The following LCP1 variants were observed in gnomAD, a reference collection of about 807,000 sequenced individuals.
The protein encoded by LCP1 is plastin-2.
A neutral mutation model predicts 72.0 loss-of-function variants in LCP1; 23 were observed. The observed-to-expected ratio is 0.32, with a 90% CI of 0.23 to 0.45. The LOEUF (loss-of-function observed/expected upper bound fraction) is 0.45. Ranked by LOEUF, LCP1 falls within the 20% of genes least tolerant of loss-of-function variation. LCP1 has a pLI of 1.00. For missense variants in LCP1, 571 were observed against 748.3 expected (o/e 0.76, Z 2.76); for synonymous variants, 245 against 275.4 (o/e 0.89, Z 1.09).
intron 14 of LCP1, among the ~76,000 whole-genome samples, chr13:46,133,335 G>A (rs1316275132): frequency 6.6e-6 from 1 of 152,192 alleles, no homozygotes; most frequent in Non-Finnish European, 1.5e-5. Flanking sequence ...ACATAAAGAT[G>A]GGAATAAGCC....
chr13:46,143,806 C>T (rs949412790), intron 11 of LCP1, among the ~76,000 whole-genome samples: 1 of 152,226 alleles, frequency 6.6e-6, no homozygotes, highest in African/African-American at 2.4e-5. Context: ...GTGGCTCACG[C>T]CTGTAATCCC....
intron 10 of LCP1, among the ~76,000 whole-genome samples, chr13:46,144,962 G>A (rs1473794707): frequency 2.0e-5 from 3 of 152,146 alleles, no homozygotes; most frequent in Non-Finnish European, 4.4e-5. Context: ...AGCAAAATCT[G>A]GATCAGAAAA....
At chr13:46,174,046 C>G (rs940505009) in intron 1 of LCP1, among the ~76,000 whole-genome samples, 1 of 152,202 alleles carries the variant, frequency 6.6e-6, no homozygotes, top group Non-Finnish European at 1.5e-5. Context: ...CTCCTCTCCA[C>G]TCTCTAATTC....
intron 8 of LCP1, among the ~76,000 whole-genome samples, chr13:46,149,147 C>T (rs1279388491): frequency 6.6e-6 from 1 of 152,144 alleles, no homozygotes; most frequent in East Asian, 1.9e-4. Flanking sequence ...TGAAAGCATA[C>T]AGATTTTCAG....
intron 14 of LCP1, among the ~76,000 whole-genome samples, chr13:46,132,266 C>T (rs1310590406): frequency 2.6e-5 from 4 of 152,168 alleles, no homozygotes; most frequent in Admixed American, 6.5e-5. Context: ...GAAGCCACAG[C>T]CTAATGTAAT....
chr13:46,153,175 A>G, intron 6 of LCP1: 1 of 376,686 alleles, frequency 2.7e-6, no homozygotes, highest in Non-Finnish European at 4.8e-6. Context: ...AACCAGCACC[A>G]TAAGTTGAAG....
chr13:46,156,874 T>G (rs9567627), intron 4 of LCP1, among the ~76,000 whole-genome samples: 23,508 of 150,424 alleles, frequency 0.16, 2,170 homozygotes, highest in East Asian at 0.29. Flanking sequence ...CAGGCTGGAG[T>G]GCAGTGGCGC....
rs911769125 is a variant in LCP1, at chr13:46,126,649, T to C, written c.*942A>G. On this transcript the variant is annotated 3_prime_UTR_variant, in exon 16 of 16. Transcript: ENST00000323076. ...GATTGCCTCCAAATGTTGACAGGTA[T>C]TAGCCATACCACAGTAACTAGATCT... 1.4e-4 allele frequency: 32 copies of C among 231,762 alleles called. No individual in the cohort carries two copies. The highest frequency in any genetic ancestry group is 6.6e-4 in the African/African-American group (30 of 45,270). 14.4% of individuals were successfully genotyped at this position (231,762 alleles called of 1,614,324 possible). A position where few individuals can be genotyped will look rare whatever the true frequency, so the allele number is the denominator to read the frequency against.
chr13:46,132,304 G>A (rs1237265035), intron 14 of LCP1, among the ~76,000 whole-genome samples: 2 of 152,136 alleles, frequency 1.3e-5, no homozygotes, highest in East Asian at 3.9e-4. Flanking sequence ...ATTTTACGGA[G>A]AGAAGCACCC....
rs543665164 is a variant in LCP1, at chr13:46,162,713, A to C, written c.-24-3027T>G. The stretch of plus-strand genomic sequence containing the variant: ...AGTGCCGAGATTGCAGCCTCTGCCC[A>C]GCCGCCACCCCTTCCGGGAAGTGAG... On this transcript the variant is annotated intron_variant, in intron 1 of 15. Transcript: ENST00000323076. 3.7e-3 allele frequency among the ~76,000 whole-genome samples: 554 copies of C among 151,486 alleles called. 1 individual carries two copies. Among genetic ancestry groups the C allele is most frequent in the African/African-American group, 0.013 (525 of 41,282 alleles).
intron 1 of LCP1, among the ~76,000 whole-genome samples, chr13:46,176,796 C>T (rs1593967608): frequency 2.6e-5 from 4 of 152,116 alleles, no homozygotes; most frequent in African/African-American, 9.6e-5. Flanking sequence ...AACATAATCT[C>T]TTTTTCACTT....
At position 46,127,491 on chromosome 13, in the gene LCP1, T is replaced by C. The variant is rs1310320934; in HGVS notation, c.*100A>G. ...GTGCTTTTTGGAATCTTATAGAGTGTCACCAAGTTGAACTTTGGAATGGCT... is the reference window on the plus strand; with the variant it reads ...GTGCTTTTTGGAATCTTATAGAGTGCCACCAAGTTGAACTTTGGAATGGCT... On this transcript the variant is annotated 3_prime_UTR_variant, in exon 16 of 16. Transcript: ENST00000323076. 4 of 1,449,582 alleles carry C rather than the reference T, an allele frequency of 2.8e-6. No homozygotes were observed. The highest frequency in any genetic ancestry group is 3.8e-6 in the Non-Finnish European group (4 of 1,055,490). 89.8% of individuals were successfully genotyped at this position (1,449,582 alleles called of 1,614,324 possible).
chr13:46,174,064 A>AT (rs2045916344), intron 1 of LCP1, among the ~76,000 whole-genome samples: 1 of 152,158 alleles, frequency 6.6e-6, no homozygotes. Context: ...TTCTCCAGGC[A>AT]TTTTTACCAT....
At position 46,173,877 on chromosome 13, in the gene LCP1, G is replaced by A. The variant is rs968499673; in HGVS notation, c.-25+8234C>T. The stretch of plus-strand genomic sequence containing the variant: ...GGAAGTATGGCCAGAGTGGAAAAAT[G>A]TACAGCAATCTTAAGAAAAGCCCAA... On this transcript the variant is annotated intron_variant, in intron 1 of 15. Coordinates refer to ENST00000323076, the MANE Select transcript of LCP1 (RefSeq NM_002298.5). 3.9e-5 allele frequency among the ~76,000 whole-genome samples: 6 copies of A among 152,184 alleles called. No homozygotes were observed. The East Asian group carries it at 9.6e-4, about 24-fold the overall frequency.
chr13:46,151,801 G>C (rs1169364162), intron 7 of LCP1, among the ~76,000 whole-genome samples: 1 of 152,192 alleles, frequency 6.6e-6, no homozygotes, highest in East Asian at 1.9e-4. Context: ...ATTAGAACTT[G>C]ACTACAGATT....
chr13:46,147,554 T>C (rs934985802), intron 9 of LCP1, among the ~76,000 whole-genome samples: 1 of 152,232 alleles, frequency 6.6e-6, no homozygotes, highest in South Asian at 2.1e-4. Flanking sequence ...AGTAAGAACA[T>C]ATGATTAGCA....
chr13:46,137,921 T>A, intron 13 of LCP1, among the ~76,000 whole-genome samples: 1 of 152,230 alleles, frequency 6.6e-6, no homozygotes, highest in East Asian at 1.9e-4. Flanking sequence ...AACACTTGTT[T>A]TACTTATTTA....
chr13:46,164,559 G>A (rs1373281996), intron 1 of LCP1, among the ~76,000 whole-genome samples: 1 of 152,158 alleles, frequency 6.6e-6, no homozygotes, highest in Non-Finnish European at 1.5e-5. Context: ...AATCCAAAAT[G>A]CTTCAGTGAT....
chr13:46,127,809 C>T, intron 15 of LCP1, 86 bp from the exon 16 acceptor site: 1 of 1,513,158 alleles, frequency 6.6e-7, no homozygotes. Context: ...CACAGTCGTT[C>T]CATAGTCAGG....
Sources: allele counts gnomAD v4.1 joint callset (sites outside exome capture counted in the v4.1 genomes callset), GRCh38; gene constraint gnomAD v4.1.1; transcripts MANE v1.5; gene names NCBI Gene and HGNC (gene_info 2026-07-23, HGNC 2026-07-21).